PTHLH: variants seen among roughly 807,000 people sequenced by gnomAD.
PTHLH encodes parathyroid hormone like hormone, also known as parathyroid hormone-related protein.
In PTHLH, 5 loss-of-function variants were observed where a neutral mutation model predicts 18.6. The observed-to-expected ratio is 0.27, with a 90% CI of 0.14 to 0.56. The LOEUF (loss-of-function observed/expected upper bound fraction) is 0.56, where lower values mean the gene tolerates loss of function less well. Among genes scored for constraint, PTHLH ranks in the 20% least tolerant of loss-of-function variants. The probability of loss-of-function intolerance (pLI) is 0.92; values close to 1 mark genes in which losing one functional copy is unlikely to be tolerated. For missense variants in PTHLH, 207 were observed against 223.9 expected (o/e 0.92, Z 0.48); for synonymous variants, 90 against 94.0 (o/e 0.96, Z 0.25).
intron 4 of PTHLH, among the ~76,000 whole-genome samples, chr12:27,967,122 G>A (rs927371260): frequency 3.3e-5 from 5 of 152,184 alleles, no homozygotes; most frequent in African/African-American, 9.7e-5. Flanking sequence ...AGCCAATGAC[G>A]TTTTAGGTTT....
At chr12:27,970,943 C>T (rs1198820374) in intron 2 of PTHLH, among the ~76,000 whole-genome samples, 6 of 152,182 alleles carry the variant, frequency 3.9e-5, no homozygotes, top group African/African-American at 1.2e-4. Context: ...AAAAACAGTT[C>T]CAGATTTCAT....
At chr12:27,970,389 GA>G (rs2062859509) in intron 2 of PTHLH, 122 bp from the exon 3 acceptor site, 1 of 148,104 alleles carries the variant, frequency 6.8e-6, no homozygotes, top group Non-Finnish European at 1.5e-5. Context: ...CGGGCGGCCC[GA>G]ACGGGCCCCG....
At chr12:27,961,290 T>TATATATAACTC (rs2062752466) in intron 5 of PTHLH, among the ~76,000 whole-genome samples, 1 of 22,888 alleles carries the variant, frequency 4.4e-5, no homozygotes, top group Admixed American at 3.6e-4. Flanking sequence ...TATATACGTA[T>TATATATAACTC]ATATATATAC....
Position 27,969,394 on chromosome 12 carries a change from A to T in PTHLH, c.101T>A (p.Leu34His). 1 of 1,575,872 alleles carries T rather than the reference A, an allele frequency of 6.3e-7. No individual in the cohort carries two copies. The highest frequency in any genetic ancestry group is 8.6e-7 in the Non-Finnish European group (1 of 1,164,354). ...GRSVEGLSRR[L>H]KRAVSEHQLL... ...GCCCTGGGGAGGATGGGGCACTTACAGGCGGCGGCTGAGACCCTCCACCGA... is the reference window on the plus strand; with the variant it reads ...GCCCTGGGGAGGATGGGGCACTTACTGGCGGCGGCTGAGACCCTCCACCGA... Residue 34 changes from leucine to histidine, a missense_variant and splice_region_variant, in exon 4 of 6, where the codon CTC becomes CAC. Transcript: ENST00000545234.
chr12:27,958,256 A>G lies in PTHLH; in HGVS notation c.*303T>C. ...TCATTTATCAACATACTTGATATGT[A>G]TATCTAAAGTGCATTATGTTACAAA... On this transcript the variant is annotated 3_prime_UTR_variant, in exon 6 of 6. Transcript: ENST00000545234. The G allele has an allele frequency of 4.2e-6, 1 of 238,120 alleles. No individual in the cohort carries two copies. The highest frequency in any genetic ancestry group is 8.0e-6 in the Non-Finnish European group (1 of 124,392). 14.8% of individuals were successfully genotyped at this position (238,120 alleles called of 1,614,324 possible).
At chr12:27,963,255 A>T in intron 5 of PTHLH, 93 bp downstream of exon 5, 1 of 1,596,806 alleles carries the variant, frequency 6.3e-7, no homozygotes, top group Non-Finnish European at 8.5e-7. Context: ...AAAGGGAGAA[A>T]ATTCTAGGTT....
At position 27,963,647 on chromosome 12, in the gene PTHLH, G is replaced by A. The variant is rs769321368; in HGVS notation, c.225C>T (p.Thr75=). The A allele has an allele frequency of 6.2e-7, 1 of 1,614,032 alleles. No individual in the cohort carries two copies. The highest frequency in any genetic ancestry group is 2.2e-5 in the East Asian group (1 of 44,874). Reference sequence around the variant, plus strand: ...GCTTGGAGTTAGGGGACACCTCCGAGGTAGCTCTGATTTCAGCTGTGTGGA... The same window carrying A: ...GCTTGGAGTTAGGGGACACCTCCGAAGTAGCTCTGATTTCAGCTGTGTGGA... ...AEIHTAEIRA[T]SEVSPNSKPS... Residue 75 remains threonine (T), a synonymous_variant, in exon 5 of 6, where the codon ACC becomes ACT. Coordinates refer to ENST00000545234, the MANE Select transcript of PTHLH (RefSeq NM_198965.2).
At chr12:27,962,820 A>G in intron 5 of PTHLH, 1 of 968,524 alleles carries the variant, frequency 1.0e-6, no homozygotes, top group Non-Finnish European at 1.2e-6. Context: ...AATAAATTTG[A>G]GATTTAATTA....
At chr12:27,961,974 T>C in intron 5 of PTHLH, 1 of 715,776 alleles carries the variant, frequency 1.4e-6, no homozygotes. Flanking sequence ...CTTTTTTTTT[T>C]TCAAACCCCA....
At chr12:27,958,728 G>A in intron 5 of PTHLH, 160 bp from the exon 6 acceptor site, 1 of 647,456 alleles carries the variant, frequency 1.5e-6, no homozygotes, top group Non-Finnish European at 2.5e-6. Context: ...GGTATCTGTG[G>A]GATCCACCCA....
chr12:27,969,401 G>T lies in PTHLH; in HGVS notation c.94C>A (p.Arg32Ser). The change falls in exon 4 of 6, where the codon CGC (arginine) becomes AGC (serine). Residue 32 changes from arginine to serine, a missense_variant. Arg to Ser is a moderately radical substitution (Grantham distance 110). Transcript: ENST00000545234. ...GGAGGATGGGGCACTTACAGGCGGC[G>T]GCTGAGACCCTCCACCGAGCGCCCG... ...SCGRSVEGLS[R>S]RLKRAVSEHQ... 1 of 1,580,120 alleles carries T rather than the reference G, an allele frequency of 6.3e-7. No individual in the cohort carries two copies. Among genetic ancestry groups the T allele is most frequent in the Non-Finnish European group, 8.6e-7 (1 of 1,166,372 alleles).
intron 4 of PTHLH, 139 bp downstream of exon 4, chr12:27,969,255 A>C (rs1394076382): frequency 2.5e-6 from 2 of 785,154 alleles, no homozygotes; most frequent in Non-Finnish European, 4.0e-6. Context: ...AGGCCCCGGC[A>C]GGTATCCGGG....
At chr12:27,965,855 A>C (rs556433645) in intron 4 of PTHLH, among the ~76,000 whole-genome samples, 1 of 152,368 alleles carries the variant, frequency 6.6e-6, no homozygotes, top group African/African-American at 2.4e-5. Flanking sequence ...ATATAATTGC[A>C]TATTTCATAA....
At chr12:27,958,595 A>G (rs748731942) in intron 5 of PTHLH, 27 bp from the exon 6 acceptor site, 4 of 1,555,976 alleles carry the variant, frequency 2.6e-6, no homozygotes, top group Non-Finnish European at 2.6e-6. Flanking sequence ...GAGAAAGAAA[A>G]GGAGAAAACA....
rs1226630795 is a variant in PTHLH at position 27,969,660 on chromosome 12, C to G, written c.-22-144G>C. 19 of 810,776 alleles carry G rather than the reference C, an allele frequency of 2.3e-5. No individual in the cohort carries two copies. In the Admixed American group the frequency reaches 3.3e-4, roughly 14 times the overall value. The allele number at this position is 810,776 out of a possible 1,614,324, so 50.2% of individuals were successfully genotyped here. A position where few individuals can be genotyped will look rare whatever the true frequency, so the allele number is the denominator to read the frequency against. On this transcript the variant is annotated intron_variant, in intron 3 of 5. Coordinates refer to ENST00000545234, the MANE Select transcript of PTHLH (RefSeq NM_198965.2). ...CAAGTTGAAAAGAAAAAAAATTTCT[C>G]TGGAGCCTCTCAGCACTTACTTATT...
At chr12:27,962,647 A>G (rs910988640) in intron 5 of PTHLH, 1 of 985,306 alleles carries the variant, frequency 1.0e-6, no homozygotes. Context: ...CATCTTGCCA[A>G]TGAACAAAAA....
chr12:27,969,828 A>G, intron 3 of PTHLH, 197 bp downstream of exon 3: 1 of 547,476 alleles, frequency 1.8e-6, no homozygotes. Context: ...AATGATAAGT[A>G]GTGTGTTTAC....
chr12:27,968,630 G>A (rs1392412327), intron 4 of PTHLH, among the ~76,000 whole-genome samples: 1 of 152,192 alleles, frequency 6.6e-6, no homozygotes, highest in Non-Finnish European at 1.5e-5. Context: ...GTGCTTGGAT[G>A]TATGATTATT....
intron 5 of PTHLH, chr12:27,962,779 T>A: frequency 2.1e-6 from 2 of 975,144 alleles, no homozygotes; most frequent in Non-Finnish European, 2.4e-6. Context: ...AAGGCATGTG[T>A]TTAAAACATA....
Sources: gnomAD v4.1 joint callset for allele counts (sites outside exome capture counted in the v4.1 genomes callset) on GRCh38, gnomAD v4.1.1 for gene constraint, MANE v1.5 for transcripts, NCBI Gene and HGNC (gene_info 2026-07-23, HGNC 2026-07-21) for gene names.